The following HIVEP2 variants were observed in gnomAD, a reference collection of about 807,000 sequenced individuals.
The protein encoded by HIVEP2 is HIVEP zinc finger 2.
In HIVEP2, 14 loss-of-function variants were observed where a neutral mutation model predicts 180.7. The observed-to-expected ratio is 0.08, with a 90% CI of 0.05 to 0.12. The LOEUF (loss-of-function observed/expected upper bound fraction) is 0.12, where lower values mean the gene tolerates loss of function less well. HIVEP2 is among the 10% of genes least tolerant of loss of function. The pLI is 1.00. For missense variants in HIVEP2, 2,579 were observed against 3,008.5 expected (o/e 0.86, Z 3.34); for synonymous variants, 1,184 against 1,136.4 (o/e 1.04, Z -0.84).
intron 7 of HIVEP2, 149 bp downstream of exon 7, chr6:142,764,650 T>G: frequency 1.5e-6 from 1 of 676,798 alleles, no homozygotes; most frequent in Non-Finnish European, 2.5e-6. Flanking sequence ...CTTTGATCAC[T>G]TACTTGAGGG....
At chr6:142,934,366 A>G (rs575948128) in intron 1 of HIVEP2, among the ~76,000 whole-genome samples, 52 of 152,358 alleles carry the variant, frequency 3.4e-4, no homozygotes, top group African/African-American at 1.2e-3. Context: ...AAAATCAATA[A>G]TAAGGCAAGC....
intron 1 of HIVEP2, among the ~76,000 whole-genome samples, chr6:142,857,459 G>C (rs1775853658): frequency 6.6e-6 from 1 of 152,186 alleles, no homozygotes; most frequent in African/African-American, 2.4e-5. Context: ...TAATGACCAG[G>C]TTAGAACTGA....
intron 1 of HIVEP2, among the ~76,000 whole-genome samples, chr6:142,896,462 A>G (rs970389821): frequency 6.6e-6 from 1 of 152,180 alleles, no homozygotes; most frequent in Non-Finnish European, 1.5e-5. Context: ...AGGGGCTGAG[A>G]AAAAGCACCA....
intron 1 of HIVEP2, among the ~76,000 whole-genome samples, chr6:142,856,198 A>G (rs1282368286): frequency 6.8e-6 from 1 of 147,218 alleles, no homozygotes; most frequent in Non-Finnish European, 1.5e-5. Context: ...ACAGACAGCA[A>G]GGGGTTAAAA....
chr6:142,903,959 G>A (rs569940030), intron 1 of HIVEP2, among the ~76,000 whole-genome samples: 1 of 152,206 alleles, frequency 6.6e-6, no homozygotes, highest in East Asian at 1.9e-4. Flanking sequence ...TGTCCTAACA[G>A]TGACAGATCA....
chr6:142,790,704 TA>T (rs889664142), intron 2 of HIVEP2, among the ~76,000 whole-genome samples: 1 of 152,142 alleles, frequency 6.6e-6, no homozygotes, highest in Non-Finnish European at 1.5e-5. Flanking sequence ...TTGAATTAAG[TA>T]AACAAAGAGA....
chr6:142,835,139 T>C (rs1023013555), intron 2 of HIVEP2, among the ~76,000 whole-genome samples: 1 of 152,200 alleles, frequency 6.6e-6, no homozygotes, highest in African/African-American at 2.4e-5. Flanking sequence ...TAACCACTAC[T>C]GTGAACTCCT....
chr6:142,919,767 T>C (rs1311626916), intron 1 of HIVEP2, among the ~76,000 whole-genome samples: 2 of 152,222 alleles, frequency 1.3e-5, no homozygotes, highest in African/African-American at 2.4e-5. Flanking sequence ...GAGTTAAAAA[T>C]TGATACCCTG....
chr6:142,874,178 AG>A (rs1338351922), intron 1 of HIVEP2, among the ~76,000 whole-genome samples: 8 of 152,202 alleles, frequency 5.3e-5, no homozygotes, highest in African/African-American at 1.9e-4. Context: ...TTTTAACCTG[AG>A]TTAATAAAAA....
chr6:142,805,410 T>A (rs1776522876), intron 2 of HIVEP2, among the ~76,000 whole-genome samples: 1 of 141,378 alleles, frequency 7.1e-6, no homozygotes, highest in African/African-American at 2.6e-5. Flanking sequence ...ATAAGCCAGA[T>A]CCCAACACTG....
At chr6:142,845,532 CCTG>C in intron 1 of HIVEP2, among the ~76,000 whole-genome samples, 1 of 152,220 alleles carries the variant, frequency 6.6e-6, no homozygotes, top group Admixed American at 6.5e-5. Flanking sequence ...TTCTGTGTCA[CCTG>C]CTTTTAGAAT....
intron 1 of HIVEP2, among the ~76,000 whole-genome samples, chr6:142,927,000 CGCGCGGCG>C (rs1026956895): frequency 2.0e-5 from 3 of 151,478 alleles, no homozygotes; most frequent in Admixed American, 6.6e-5. Context: ...GGGCAGGCAG[CGCGCGGCG>C]GCGCGGCGGC....
At chr6:142,891,678 C>T (rs988670809) in intron 1 of HIVEP2, among the ~76,000 whole-genome samples, 7 of 152,132 alleles carry the variant, frequency 4.6e-5, no homozygotes, top group African/African-American at 1.7e-4. Context: ...CTGGGCCTTG[C>T]CCTCCTGTGT....
At position 142,752,839 on chromosome 6, in the gene HIVEP2, A is replaced by C; in HGVS notation, c.*268T>G. 2.9e-6 allele frequency: 1 copy of C among 350,592 alleles called. No individual in the cohort carries two copies. The highest frequency in any genetic ancestry group is 5.2e-6 in the Non-Finnish European group (1 of 193,394). 21.7% of individuals were successfully genotyped at this position (350,592 alleles called of 1,614,324 possible). ...AAATTACTGCTAAAAAATGCTTATA[A>C]GAATATAAGCAAAGTAAAGAAAAGG... On this transcript the variant is annotated 3_prime_UTR_variant, in exon 10 of 10. Transcript: ENST00000367603.
At chr6:142,769,079 G>A (rs1775450555) in intron 5 of HIVEP2, among the ~76,000 whole-genome samples, 1 of 152,150 alleles carries the variant, frequency 6.6e-6, no homozygotes, top group African/African-American at 2.4e-5. Context: ...AGTTTTGAAG[G>A]AGACAGATGT....
intron 1 of HIVEP2, among the ~76,000 whole-genome samples, chr6:142,910,407 C>A (rs1312182660): frequency 1.3e-5 from 2 of 152,142 alleles, no homozygotes; most frequent in Non-Finnish European, 2.9e-5. Context: ...TTGAGACCAT[C>A]CTGGCCAACA....
At chr6:142,817,877 A>T (rs1776884485) in intron 2 of HIVEP2, among the ~76,000 whole-genome samples, 1 of 151,970 alleles carries the variant, frequency 6.6e-6, no homozygotes, top group Admixed American at 6.6e-5. Flanking sequence ...CTGGTGGCAC[A>T]TGCCTGTAAT....
At chr6:142,810,320 C>G (rs1308449684) in intron 2 of HIVEP2, among the ~76,000 whole-genome samples, 2 of 152,024 alleles carry the variant, frequency 1.3e-5, no homozygotes, top group Non-Finnish European at 2.9e-5. Context: ...TTTACAAAAT[C>G]AATCTTAAGA....
chr6:142,808,607 C>G (rs472288), intron 2 of HIVEP2, among the ~76,000 whole-genome samples: 3 of 142,062 alleles, frequency 2.1e-5, no homozygotes, highest in Non-Finnish European at 4.5e-5. Flanking sequence ...GAGGGATGGA[C>G]AGATAGAGGG....
Sources: gnomAD v4.1 joint callset for allele counts (sites outside exome capture counted in the v4.1 genomes callset) on GRCh38, gnomAD v4.1.1 for gene constraint, MANE v1.5 for transcripts, NCBI Gene and HGNC (gene_info 2026-07-23, HGNC 2026-07-21) for gene names.